The following NEDD9 variants were observed in gnomAD, a reference collection of about 807,000 sequenced individuals.
NEDD9 encodes neural precursor cell expressed, developmentally down-regulated 9, also known as enhancer of filamentation 1.
Under a neutral mutation model 76.6 loss-of-function variants are expected in NEDD9, and 26 were observed. The observed-to-expected ratio is 0.34, with a 90% CI of 0.25 to 0.47. The LOEUF (loss-of-function observed/expected upper bound fraction) is 0.47. Among genes scored for constraint, NEDD9 ranks in the 20% least tolerant of loss-of-function variants. The pLI, the probability that NEDD9 is intolerant of heterozygous loss-of-function variation, is 1.00. For missense variants in NEDD9, 937 were observed against 1,058.5 expected (o/e 0.89, Z 1.59); for synonymous variants, 392 against 414.2 (o/e 0.95, Z 0.65).
At position 11,315,286 on chromosome 6, in the gene NEDD9, A is replaced by G. The variant is rs1465817070; in HGVS notation, c.-152-9131T>C. Among the ~76,000 whole-genome samples, 4 of 152,220 alleles carry G rather than the reference A, an allele frequency of 2.6e-5. No individual in the cohort carries two copies. The East Asian group carries it at 7.7e-4, about 29-fold the overall frequency. ...ACACAGTTTATTTTGGTAGGTAACT[A>G]AGGCAGACAGAGATCATTAAACCCT... On this transcript the variant is annotated intron_variant, in intron 2 of 3. Transcript: ENST00000397378.
chr6:11,305,000 C>T, intron 3 of NEDD9: 3 of 1,053,724 alleles, frequency 2.8e-6, no homozygotes, highest in South Asian at 2.9e-5. Flanking sequence ...GTTTTTAATG[C>T]CTTCCAGGGA....
At chr6:11,335,426 A>G (rs984553224) in intron 1 of NEDD9, among the ~76,000 whole-genome samples, 2 of 152,234 alleles carry the variant, frequency 1.3e-5, no homozygotes, top group African/African-American at 4.8e-5. Flanking sequence ...AATGAGATGC[A>G]CTGAAAACTG....
At chr6:11,341,774 A>G (rs1233921111) in intron 1 of NEDD9, among the ~76,000 whole-genome samples, 1 of 152,210 alleles carries the variant, frequency 6.6e-6, no homozygotes, top group Non-Finnish European at 1.5e-5. Context: ...TCAATGATAA[A>G]TCACTAGACA....
At position 11,190,165 on chromosome 6, in the gene NEDD9, A is replaced by G. The variant is rs1422132943; in HGVS notation, c.1704T>C (p.Asn568=). The G allele has an allele frequency of 3.7e-6, 6 of 1,614,026 alleles. No individual in the cohort carries two copies. Among genetic ancestry groups the G allele is most frequent in the East Asian group, 2.2e-5 (1 of 44,896 alleles). The change falls in exon 5 of 7, where the codon AAT becomes AAC. Residue 568 remains asparagine (N), a synonymous_variant. Coordinates refer to ENST00000379446, the MANE Select transcript of NEDD9 (RefSeq NM_006403.4). This position sits in a 1 kb window ranked among gnomAD's most constrained non-coding sequence, Gnocchi z 5.8. ...TTGAGTTCATGATGCTCTCCGGCCC[A>G]TTCTTCAGATGCAAGCTGCCAGGGC... is the stretch of plus-strand genomic sequence containing the variant. ...RPGPGSLHLK[N]GPESIMNSTE... is the part of the protein sequence containing the mutation.
intron 3 of NEDD9, chr6:11,248,784 G>T (rs1263969516): frequency 3.8e-6 from 1 of 261,630 alleles, no homozygotes; most frequent in African/African-American, 2.2e-5. Context: ...CTTGCTCGAT[G>T]GGAAACTGAG....
At chr6:11,210,317 TA>T (rs1758742163) in intron 2 of NEDD9, among the ~76,000 whole-genome samples, 1 of 152,206 alleles carries the variant, frequency 6.6e-6, no homozygotes, top group African/African-American at 2.4e-5. Context: ...TTAACATTTT[TA>T]AACCCCACCC....
At chr6:11,329,705 C>T (rs1364145548) in intron 2 of NEDD9, among the ~76,000 whole-genome samples, 2 of 152,080 alleles carry the variant, frequency 1.3e-5, no homozygotes. Flanking sequence ...GTGTAGGGGT[C>T]CCCTAGGGGA....
At chr6:11,353,029 T>C (rs748075139) in intron 1 of NEDD9, among the ~76,000 whole-genome samples, 3 of 152,264 alleles carry the variant, frequency 2.0e-5, no homozygotes, top group African/African-American at 7.2e-5. Flanking sequence ...TCTTGAGCGA[T>C]CACCTTTGCT....
At chr6:11,237,011 C>T (rs1442091394), upstream of NEDD9, among the ~76,000 whole-genome samples, 2 of 152,166 alleles carry the variant, frequency 1.3e-5, no homozygotes, top group South Asian at 4.1e-4. The surrounding 1 kb of genome is among the most constrained non-coding windows in gnomAD (Gnocchi z 4.9). Flanking sequence ...CTTGCACAGG[C>T]AGGCCCCTTT....
chr6:11,192,932 CAAA>C (rs71550759), intron 3 of NEDD9, among the ~76,000 whole-genome samples: 41 of 28,152 alleles, frequency 1.5e-3, no homozygotes, highest in African/African-American at 6.3e-3. Flanking sequence ...GACTCTGTCT[CAAA>C]AAAAAAAAAA....
intron 2 of NEDD9, among the ~76,000 whole-genome samples, chr6:11,314,931 C>T (rs1476550792): frequency 6.6e-6 from 1 of 152,144 alleles, no homozygotes; most frequent in African/African-American, 2.4e-5. Context: ...TAGTGGGATA[C>T]CAGAAAAGGC....
chr6:11,256,824 G>A (rs998201898), intron 3 of NEDD9, among the ~76,000 whole-genome samples: 1 of 152,218 alleles, frequency 6.6e-6, no homozygotes, highest in East Asian at 1.9e-4. Flanking sequence ...TAGGCTGTTT[G>A]TATCAGTAGA....
rs533504807 is a variant in NEDD9 at position 11,317,024 on chromosome 6, C to G, written c.-152-10869G>C. On this transcript the variant is annotated intron_variant, in intron 2 of 3. Transcript: ENST00000397378. ...GAGAATCTGTAAGCAGTTATATATC[C>G]CAAGTCTGAGATTCAGAGAGAGAGA... Among the ~76,000 whole-genome samples, 41 of 152,122 alleles carry G rather than the reference C, an allele frequency of 2.7e-4. No homozygotes were observed. The South Asian group carries it at 7.9e-3, about 29-fold the overall frequency.
chr6:11,310,053 G>T (rs377059750), intron 2 of NEDD9, among the ~76,000 whole-genome samples: 2 of 152,150 alleles, frequency 1.3e-5, no homozygotes, highest in Non-Finnish European at 2.9e-5. Context: ...CCTTTCACAG[G>T]GGTGTGTGTC....
intron 3 of NEDD9, among the ~76,000 whole-genome samples, chr6:11,296,679 C>CCTTTCCCTTCCTT (rs56700039): frequency 2.3e-4 from 21 of 92,976 alleles, no homozygotes; most frequent in Non-Finnish European, 2.6e-4. Flanking sequence ...CCTTTCCTTT[C>CCTTTCCCTTCCTT]CCTTCCTTCC....
chr6:11,353,659 C>T (rs1364107623), intron 1 of NEDD9, among the ~76,000 whole-genome samples: 1 of 152,224 alleles, frequency 6.6e-6, no homozygotes, highest in African/African-American at 2.4e-5. Flanking sequence ...GGCCCCACTA[C>T]TAGTTAGAGT....
intron 1 of NEDD9, among the ~76,000 whole-genome samples, chr6:11,214,548 C>T (rs1008762022): frequency 2.6e-5 from 4 of 152,218 alleles, no homozygotes; most frequent in East Asian, 1.9e-4. Context: ...ACACACTCTC[C>T]GTCTTTGTAT....
chr6:11,276,410 CGT>C (rs951842722), intron 3 of NEDD9, among the ~76,000 whole-genome samples: 17 of 152,028 alleles, frequency 1.1e-4, no homozygotes, highest in Non-Finnish European at 2.2e-4. Flanking sequence ...TGTGTGTGCA[CGT>C]GTGTGTGCGC....
chr6:11,327,370 A>G (rs1761948989), intron 2 of NEDD9, among the ~76,000 whole-genome samples: 1 of 152,246 alleles, frequency 6.6e-6, no homozygotes, highest in Admixed American at 6.5e-5. Context: ...TGAAATAACC[A>G]GTTATTGCAC....
Sources: allele counts gnomAD v4.1 joint callset (sites outside exome capture counted in the v4.1 genomes callset), GRCh38; gene constraint gnomAD v4.1.1; non-coding constraint Gnocchi (gnomAD v3.1); transcripts MANE v1.5; gene names NCBI Gene and HGNC (gene_info 2026-07-23, HGNC 2026-07-21).